The following FGD6 variants were observed in gnomAD, a reference collection of about 807,000 sequenced individuals.
FGD6 encodes FYVE, RhoGEF and PH domain-containing protein 6.
In FGD6, 90 loss-of-function variants were observed where a neutral mutation model predicts 149.4. The observed-to-expected ratio is 0.60, with a 90% CI of 0.51 to 0.72. The LOEUF (loss-of-function observed/expected upper bound fraction) is 0.72. Ranked by LOEUF, FGD6 falls within the 30% of genes least tolerant of loss-of-function variation. The probability of loss-of-function intolerance (pLI) is 0.00; values close to 1 mark genes in which losing one functional copy is unlikely to be tolerated. For missense variants in FGD6, 1,437 were observed against 1,684.8 expected, an observed-to-expected ratio of 0.85 and a Z score of 2.57; for synonymous variants, 527 against 584.0, an observed-to-expected ratio of 0.90 and a Z score of 1.41.
chr12:95,198,573 A>G (rs963888093), intron 2 of FGD6, among the ~76,000 whole-genome samples: 12 of 151,932 alleles, frequency 7.9e-5, no homozygotes, highest in Non-Finnish European at 1.6e-4. Context: ...CCGAGTAGCT[A>G]GGACTACAGG....
At chr12:95,116,673 C>T (rs950972844) in intron 8 of FGD6, among the ~76,000 whole-genome samples, 3 of 152,158 alleles carry the variant, frequency 2.0e-5, no homozygotes, top group Admixed American at 6.6e-5. Flanking sequence ...AAGGAAGTAA[C>T]GGAGTTAGGT....
rs1375506202 is a variant in FGD6, at chr12:95,173,498, G to A, written c.2442-754C>T. Among the ~76,000 whole-genome samples, 4 of 152,164 alleles carry A rather than the reference G, an allele frequency of 2.6e-5. No homozygotes were observed. The East Asian group carries it at 7.7e-4, about 29-fold the overall frequency. On this transcript the variant is annotated intron_variant, in intron 2 of 20. Transcript: ENST00000343958. ...CCAGGCCATTTACCAATTCCTCCTT[G>A]CCAGCCTGATATCATCAAGGTTCCT...
chr12:95,203,278 G>A (rs1423868579), intron 2 of FGD6, among the ~76,000 whole-genome samples: 3 of 152,150 alleles, frequency 2.0e-5, no homozygotes, highest in South Asian at 2.1e-4. Flanking sequence ...GGTGCTTGAA[G>A]ACCAAAAGAT....
chr12:95,094,717 TCAAC>T, intron 14 of FGD6, 23 bp from the exon 15 acceptor site: 1 of 1,537,652 alleles, frequency 6.5e-7, no homozygotes, highest in Non-Finnish European at 9.0e-7. Flanking sequence ...AAAGGTTTCA[TCAAC>T]CAGATGTCAG....
chr12:95,122,375 G>A (rs1247496126), intron 8 of FGD6, among the ~76,000 whole-genome samples: 1 of 152,134 alleles, frequency 6.6e-6, no homozygotes, highest in Non-Finnish European at 1.5e-5. Flanking sequence ...GCCAGGCACA[G>A]TGGCTTGCAC....
Position 95,209,220 on chromosome 12 carries a change from G to A in FGD6, c.2064C>T (p.Ile688=). ...LVGEEKRSKP[I]KAYSTENYSL... ...TATAGTTTTCTGTGGAATATGCCTT[G>A]ATGGGTTTACTTCTCTTCTCCTCTC... The change falls in exon 2 of 21, where the codon ATC becomes ATT. Residue 688 remains isoleucine (I), a synonymous_variant. Transcript: ENST00000343958. 1 of 1,614,072 alleles carries A rather than the reference G, an allele frequency of 6.2e-7. No homozygotes were observed. The highest frequency in any genetic ancestry group is 8.5e-7 in the Non-Finnish European group (1 of 1,180,022).
Position 95,210,291 on chromosome 12 carries a change from T to C in FGD6, c.993A>G (p.Val331=). The change falls in exon 2 of 21, where the codon GTA becomes GTG. Residue 331 remains valine (V), a synonymous_variant. Transcript: ENST00000343958. ...CTTCAGTGCTTTCACTAGGAGTATC[T>C]ACACACTTTTGGCGTAACAGACGAG... ...RTARLLRQKC[V]DTPSESTEEP... 6.2e-7 allele frequency: 1 copy of C among 1,614,206 alleles called. No individual in the cohort carries two copies. Among genetic ancestry groups the C allele is most frequent in the Non-Finnish European group, 8.5e-7 (1 of 1,180,038 alleles).
chr12:95,191,910 G>C (rs1186042400), intron 2 of FGD6, among the ~76,000 whole-genome samples: 2 of 151,946 alleles, frequency 1.3e-5, no homozygotes, highest in Admixed American at 6.6e-5. Flanking sequence ...TAATTTTTTT[G>C]TATTTTTAGT....
At chr12:95,149,656 C>A (rs1172543096) in intron 5 of FGD6, among the ~76,000 whole-genome samples, 9 of 137,742 alleles carry the variant, frequency 6.5e-5, no homozygotes, top group Non-Finnish European at 7.7e-5. Flanking sequence ...ACCCTTTTTT[C>A]AAAAAAAAAG....
intron 3 of FGD6, among the ~76,000 whole-genome samples, chr12:95,167,045 C>T (rs543881510): frequency 1.3e-5 from 2 of 151,926 alleles, no homozygotes; most frequent in East Asian, 1.9e-4. Context: ...TTAGTAGAGA[C>T]GGGATTTCAC....
At chr12:95,152,437 G>A (rs1880338927) in intron 5 of FGD6, among the ~76,000 whole-genome samples, 1 of 152,078 alleles carries the variant, frequency 6.6e-6, no homozygotes, top group Non-Finnish European at 1.5e-5. Flanking sequence ...GTAGTAAAAG[G>A]AAAAATAGTA....
chr12:95,184,243 T>C (rs146214921), intron 2 of FGD6, among the ~76,000 whole-genome samples: 9 of 152,278 alleles, frequency 5.9e-5, no homozygotes, highest in African/African-American at 1.9e-4. Context: ...CAGTTTCCAA[T>C]AGGAACTACA....
At position 95,210,077 on chromosome 12, in the gene FGD6, C is replaced by A. The variant is rs926233126; in HGVS notation, c.1207G>T (p.Ala403Ser). Residue 403 changes from alanine (A) to serine (S), a missense_variant, in exon 2 of 21, where the codon GCC becomes TCC. Transcript: ENST00000343958. ...DAQDLVNSQK[A>S]MCNETTSFEK... ...AAGGAAGTTGTTTCATTACACATGG[C>A]TTTCTGTGAATTGACTAAGTCCTGT... 1 of 1,614,000 alleles carries A rather than the reference C, an allele frequency of 6.2e-7. No individual in the cohort carries two copies. The highest frequency in any genetic ancestry group is 1.3e-5 in the African/African-American group (1 of 74,920).
intron 6 of FGD6, among the ~76,000 whole-genome samples, chr12:95,140,292 C>T (rs1879804826): frequency 6.6e-6 from 1 of 152,156 alleles, no homozygotes; most frequent in African/African-American, 2.4e-5. Flanking sequence ...AAGTAGCTTC[C>T]AATACCAACC....
At chr12:95,200,743 C>T (rs978298547) in intron 2 of FGD6, among the ~76,000 whole-genome samples, 9 of 152,168 alleles carry the variant, frequency 5.9e-5, no homozygotes, top group African/African-American at 2.2e-4. Context: ...TTATCTCTGC[C>T]TGCTGTCAAA....
intron 5 of FGD6, 78 bp downstream of exon 5, chr12:95,152,733 T>C (rs377433282): frequency 2.4e-6 from 3 of 1,251,538 alleles, no homozygotes; most frequent in Non-Finnish European, 3.4e-6. Flanking sequence ...AAGTTAGTAA[T>C]GCTGAAAACT....
In FGD6 at chr12:95,153,113, T is replaced by C. The variant is rs1880358700; in HGVS notation, c.2587-120A>G. ...AAGTTTCCTCCTAGCACACAGTTCATACCATATAACATTTCAAATGGCAAA... is the reference window on the plus strand; with the variant it reads ...AAGTTTCCTCCTAGCACACAGTTCACACCATATAACATTTCAAATGGCAAA... On this transcript the variant is annotated intron_variant, in intron 3 of 20. Coordinates refer to ENST00000343958, the MANE Select transcript of FGD6 (RefSeq NM_018351.4). The C allele has an allele frequency of 7.6e-6, 6 of 789,706 alleles. No homozygotes were observed. The South Asian group carries it at 8.2e-5, about 11-fold the overall frequency. The allele number at this position is 789,706 out of a possible 1,614,324, so 48.9% of individuals were successfully genotyped here. A position where few individuals can be genotyped will look rare whatever the true frequency, so the allele number is the denominator to read the frequency against.
intron 8 of FGD6, chr12:95,125,910 C>G: frequency 4.2e-6 from 6 of 1,422,926 alleles, no homozygotes; most frequent in Non-Finnish European, 5.9e-6. Flanking sequence ...ACAGGCCATG[C>G]CTTTCAAGTA....
chr12:95,148,819 T>C (rs1297170710), intron 5 of FGD6, among the ~76,000 whole-genome samples: 1 of 85,724 alleles, frequency 1.2e-5, no homozygotes, highest in Non-Finnish European at 2.1e-5. Flanking sequence ...TTACATATAT[T>C]ATATATATTA....
Sources: gnomAD v4.1 joint callset for allele counts (sites outside exome capture counted in the v4.1 genomes callset) on GRCh38, gnomAD v4.1.1 for gene constraint, MANE v1.5 for transcripts, NCBI Gene and HGNC (gene_info 2026-07-23, HGNC 2026-07-21) for gene names.